Variants in ZCCHC2 observed in about 807,000 individuals in gnomAD.
The protein encoded by ZCCHC2 is zinc finger CCHC domain-containing protein 2.
In ZCCHC2, 39 loss-of-function variants were observed where a neutral mutation model predicts 103.6. The observed-to-expected ratio is 0.38, with a 90% confidence interval of 0.29 to 0.49. ZCCHC2 has a LOEUF of 0.49. Ranked by LOEUF, ZCCHC2 falls within the 20% of genes least tolerant of loss-of-function variation. ZCCHC2 has a pLI of 0.96. For missense variants in ZCCHC2, 1,483 were observed against 1,491.0 expected (o/e 0.99, Z 0.09); for synonymous variants, 687 against 608.9 (o/e 1.13, Z -1.89).
At chr18:62,552,867 G>A (rs980130887) in intron 5 of ZCCHC2, among the ~76,000 whole-genome samples, 1 of 147,182 alleles carries the variant, frequency 6.8e-6, no homozygotes, top group African/African-American at 2.5e-5. Flanking sequence ...TCCAGCCTGG[G>A]CAACAGAGTA....
intron 1 of ZCCHC2, among the ~76,000 whole-genome samples, chr18:62,529,907 A>G (rs1286494402): frequency 6.6e-6 from 1 of 152,264 alleles, no homozygotes; most frequent in African/African-American, 2.4e-5. Flanking sequence ...GAACACGTAC[A>G]GACTTTTTTC....
At position 62,577,134 on chromosome 18, in the gene ZCCHC2, C is replaced by T. The variant is rs1290090258; in HGVS notation, c.*555C>T. On this transcript the variant is annotated 3_prime_UTR_variant, in exon 14 of 14. Transcript: ENST00000269499. ...CAAGGGCAGAATGTTTCACCCTGATCTTATGGGAGGAATCAAACTCCCAAA... is the reference window on the plus strand; with the variant it reads ...CAAGGGCAGAATGTTTCACCCTGATTTTATGGGAGGAATCAAACTCCCAAA... 1.9e-5 allele frequency: 3 copies of T among 154,418 alleles called. No individual in the cohort carries two copies. Among genetic ancestry groups the T allele is most frequent in the Admixed American group, 1.3e-4 (2 of 15,608 alleles). The allele number at this position is 154,418 out of a possible 1,614,324, so 9.6% of individuals were successfully genotyped here. A position where few individuals can be genotyped will look rare whatever the true frequency, so the allele number is the denominator to read the frequency against.
downstream of ZCCHC2, among the ~76,000 whole-genome samples, chr18:62,582,125 T>C (rs1175330212): frequency 2.6e-5 from 4 of 151,424 alleles, no homozygotes; most frequent in Non-Finnish European, 5.9e-5. Context: ...TTGGAGTTGG[T>C]TGAATGAAAA....
chr18:62,529,271 A>G (rs1914581666), intron 1 of ZCCHC2, among the ~76,000 whole-genome samples: 1 of 151,852 alleles, frequency 6.6e-6, no homozygotes, highest in South Asian at 2.1e-4. Context: ...GGGTTATTTG[A>G]TATTTTAAAG....
At chr18:62,558,609 G>C in intron 6 of ZCCHC2, 78 bp from the exon 7 acceptor site, 1 of 872,110 alleles carries the variant, frequency 1.1e-6, no homozygotes, top group South Asian at 2.2e-5. Context: ...TTTTCCTTAG[G>C]TAAAAAAACA....
intron 7 of ZCCHC2, 78 bp from the exon 8 acceptor site, chr18:62,560,509 C>A: frequency 8.6e-7 from 1 of 1,158,856 alleles, no homozygotes; most frequent in South Asian, 1.3e-5. Flanking sequence ...TGGTTATGAT[C>A]ATACAAACTA....
Position 62,558,693 on chromosome 18 carries a change from T to TA in ZCCHC2, c.1416dup (p.Gln473ThrfsTer8). On this transcript the variant is annotated frameshift_variant, in exon 7 of 14. Transcript: ENST00000269499. LOFTEE classifies it high-confidence loss of function. The stretch of plus-strand genomic sequence containing the variant: ...TATTGAATGCTTCCTGCAGATAACT[T>TA]ACAATCCTCTCTGAAGACTTCTAAG... 1 of 1,523,710 alleles carries TA rather than the reference T, an allele frequency of 6.6e-7. No individual in the cohort carries two copies. Among genetic ancestry groups the TA allele is most frequent in the Non-Finnish European group, 8.8e-7 (1 of 1,134,832 alleles). 94.4% of individuals were successfully genotyped at this position (1,523,710 alleles called of 1,614,324 possible).
chr18:62,546,998 T>C (rs1915441125), intron 4 of ZCCHC2, among the ~76,000 whole-genome samples: 1 of 152,176 alleles, frequency 6.6e-6, no homozygotes, highest in African/African-American at 2.4e-5. Context: ...TTATCCTTTT[T>C]TTCTTTTACC....
intron 11 of ZCCHC2, among the ~76,000 whole-genome samples, chr18:62,567,834 AC>A: frequency 6.6e-6 from 1 of 151,164 alleles, no homozygotes; most frequent in South Asian, 2.1e-4. Flanking sequence ...AATCCCAGCT[AC>A]TCGGGAGACT....
intron 1 of ZCCHC2, among the ~76,000 whole-genome samples, chr18:62,533,143 C>T (rs1388431572): frequency 6.6e-6 from 1 of 152,196 alleles, no homozygotes; most frequent in Non-Finnish European, 1.5e-5. Flanking sequence ...AAGGCTCGGG[C>T]ATTGTGCCTC....
rs1915230853 is a variant in ZCCHC2, at chr18:62,542,343, T to TC, written c.1052-154dup. 3.9e-5 allele frequency among the ~76,000 whole-genome samples: 6 copies of TC among 152,250 alleles called. No homozygotes were observed. The South Asian group carries it at 1.2e-3, about 32-fold the overall frequency. On this transcript the variant is annotated intron_variant, in intron 2 of 13. Coordinates refer to ENST00000269499, the MANE Select transcript of ZCCHC2 (RefSeq NM_017742.6). ...TGCTATGCTTCTAGTTTTTTTGTCT[T>TC]CTTTTTTTTTATTTCATGATTTAAG...
chr18:62,535,979 A>G (rs936174376), intron 1 of ZCCHC2, among the ~76,000 whole-genome samples: 6 of 152,256 alleles, frequency 3.9e-5, no homozygotes, highest in Non-Finnish European at 7.3e-5. Flanking sequence ...TTTTAAATTT[A>G]TAGTCTATAT....
chr18:62,524,107 A>G lies in ZCCHC2; in HGVS notation c.683A>G (p.Glu228Gly), dbSNP rs1914218961. ...GAGCGCGGCGAGGACGGCGACGGCG[A>G]GCAGGACGCCGAGAAGGACGGCTCA... ...EDERGEDGDG[E>G]QDAEKDGSGP... is the part of the protein sequence containing the mutation. The change falls in exon 1 of 14, where the codon GAG becomes GGG. Residue 228 changes from glutamate (E) to glycine (G), a missense_variant. Coordinates refer to ENST00000269499, the MANE Select transcript of ZCCHC2 (RefSeq NM_017742.6). The G allele has an allele frequency of 6.6e-7, 1 of 1,523,476 alleles. No homozygotes were observed. The highest frequency in any genetic ancestry group is 1.2e-5 in the South Asian group (1 of 82,450). 94.4% of individuals were successfully genotyped at this position (1,523,476 alleles called of 1,614,324 possible). A position where few individuals can be genotyped will look rare whatever the true frequency, so the allele number is the denominator to read the frequency against.
At chr18:62,551,480 T>C (rs1178698939) in intron 5 of ZCCHC2, 4 of 152,304 alleles carry the variant, frequency 2.6e-5, no homozygotes, top group Admixed American at 2.6e-4. Flanking sequence ...GAAAAAATGT[T>C]CAGTTTTTAA....
intron 8 of ZCCHC2, 22 bp downstream of exon 8, chr18:62,560,666 C>A: frequency 6.3e-7 from 1 of 1,593,194 alleles, no homozygotes; most frequent in Non-Finnish European, 8.6e-7. Flanking sequence ...CTTTCTAAAA[C>A]AAAAAGTGCT....
chr18:62,559,259 T>C (rs1260283567), intron 7 of ZCCHC2, among the ~76,000 whole-genome samples: 1 of 152,182 alleles, frequency 6.6e-6, no homozygotes, highest in Admixed American at 6.5e-5. Flanking sequence ...TTGCAAGATA[T>C]TTACAGATAA....
At position 62,563,054 on chromosome 18, in the gene ZCCHC2, A is replaced by G. The variant is rs1215893916; in HGVS notation, c.1596A>G (p.Gln532=). The change falls in exon 9 of 14, where the codon CAA becomes CAG. Residue 532 remains glutamine, a synonymous_variant. Coordinates refer to ENST00000269499, the MANE Select transcript of ZCCHC2 (RefSeq NM_017742.6). Reference sequence around the variant, plus strand: ...CTCCATTGGATGGGCTTACCATGCAATATTCTGAACAGAATGGAATTGTGG... The same window carrying G: ...CTCCATTGGATGGGCTTACCATGCAGTATTCTGAACAGAATGGAATTGTGG... The part of the protein sequence containing the change: ...SCSPLDGLTM[Q]YSEQNGIVDW... The G allele has an allele frequency of 1.2e-6, 2 of 1,613,770 alleles. No homozygotes were observed. Among genetic ancestry groups the G allele is most frequent in the East Asian group, 2.2e-5 (1 of 44,888 alleles).
Position 62,524,214 on chromosome 18 carries a change from A to T in ZCCHC2, c.790A>T (p.Thr264Ser). The change falls in exon 1 of 14, where the codon ACC (threonine) becomes TCC (serine). Residue 264 changes from threonine (T) to serine (S), a missense_variant. Physicochemically the swap from Thr to Ser is moderately conservative, Grantham distance 58. Transcript: ENST00000269499. ...RAQEELLLLF[T>S]MASLHPAFSF... is the part of the protein sequence containing the mutation. Reference sequence around the variant, plus strand: ...CCAGGAGGAACTGCTGCTGCTCTTCACCATGGCCTCGCTGCACCCGGCTTT... The same window carrying T: ...CCAGGAGGAACTGCTGCTGCTCTTCTCCATGGCCTCGCTGCACCCGGCTTT... 1.3e-6 allele frequency: 2 copies of T among 1,549,870 alleles called. No individual in the cohort carries two copies. Among genetic ancestry groups the T allele is most frequent in the Non-Finnish European group, 1.7e-6 (2 of 1,146,634 alleles).
At chr18:62,569,576 C>G (rs781634009) in intron 11 of ZCCHC2, among the ~76,000 whole-genome samples, 2 of 151,706 alleles carry the variant, frequency 1.3e-5, no homozygotes, top group Non-Finnish European at 2.9e-5. Flanking sequence ...GTGCTCAAAA[C>G]AGATACGGCT....
Sources: gnomAD v4.1 joint callset for allele counts (sites outside exome capture counted in the v4.1 genomes callset) on GRCh38, gnomAD v4.1.1 for gene constraint, MANE v1.5 for transcripts, NCBI Gene and HGNC (gene_info 2026-07-23, HGNC 2026-07-21) for gene names.